Variants in UBASH3B observed in about 807,000 individuals in gnomAD.
The protein encoded by UBASH3B is ubiquitin associated and SH3 domain containing B.
Under a neutral mutation model 83.4 loss-of-function variants are expected in UBASH3B, and 37 were observed. That is an observed-to-expected ratio of 0.44 (90% confidence interval 0.34 to 0.58). The LOEUF (loss-of-function observed/expected upper bound fraction) is 0.58, where lower values mean the gene tolerates loss of function less well. Ranked by LOEUF, UBASH3B falls within the 20% of genes least tolerant of loss-of-function variation. The probability of loss-of-function intolerance (pLI) is 0.01; values close to 1 mark genes in which losing one functional copy is unlikely to be tolerated. For synonymous variants in UBASH3B, 304 were observed against 318.3 expected (o/e 0.96, Z 0.48); for missense variants, 657 against 827.2 (o/e 0.79, Z 2.52).
intron 1 of UBASH3B, among the ~76,000 whole-genome samples, chr11:122,761,482 A>G (rs75833751): frequency 0.014 from 2,073 of 152,224 alleles, 48 homozygotes; most frequent in African/African-American, 0.047. Flanking sequence ...AAAATAAAAC[A>G]TAAATAAGTG....
intron 1 of UBASH3B, among the ~76,000 whole-genome samples, chr11:122,720,837 A>G (rs1461190487): frequency 6.6e-6 from 1 of 151,574 alleles, no homozygotes; most frequent in Non-Finnish European, 1.5e-5. Flanking sequence ...GCTTACTATA[A>G]CTGTCCTCTC....
intron 4 of UBASH3B, among the ~76,000 whole-genome samples, 196 bp downstream of exon 4, chr11:122,779,891 C>T (rs1860820541): frequency 6.6e-6 from 1 of 152,220 alleles, no homozygotes; most frequent in African/African-American, 2.4e-5. Flanking sequence ...CGTTCAACCC[C>T]TCTTCTGCTG....
intron 9 of UBASH3B, chr11:122,797,254 C>T (rs1484893287): frequency 6.3e-6 from 3 of 479,496 alleles, no homozygotes; most frequent in Admixed American, 4.0e-5. Flanking sequence ...TATTGAGGAG[C>T]ACGTGATCCA....
chr11:122,679,289 A>AGAGGAGCTG (rs1863708860), intron 1 of UBASH3B, among the ~76,000 whole-genome samples: 1 of 152,262 alleles, frequency 6.6e-6, no homozygotes, highest in Non-Finnish European at 1.5e-5. Context: ...ATTTGGGGGC[A>AGAGGAGCTG]GAGGAGCTGG....
At chr11:122,750,972 CT>C (rs1433514868) in intron 1 of UBASH3B, among the ~76,000 whole-genome samples, 6 of 152,206 alleles carry the variant, frequency 3.9e-5, no homozygotes, top group Admixed American at 3.9e-4. Flanking sequence ...GCATTGAACA[CT>C]GACAGTGGGA....
At chr11:122,792,552 C>T (rs1264359074) in intron 6 of UBASH3B, among the ~76,000 whole-genome samples, 1 of 152,096 alleles carries the variant, frequency 6.6e-6, no homozygotes, top group Non-Finnish European at 1.5e-5. Flanking sequence ...CTCCTAACCC[C>T]AGGTGATCTG....
chr11:122,754,318 CT>C (rs1418432174), intron 1 of UBASH3B, among the ~76,000 whole-genome samples: 1 of 152,210 alleles, frequency 6.6e-6, no homozygotes, highest in Non-Finnish European at 1.5e-5. Flanking sequence ...AACTGTCTTC[CT>C]GATGAGCTAA....
intron 1 of UBASH3B, among the ~76,000 whole-genome samples, chr11:122,743,397 T>C (rs886101831): frequency 2.0e-5 from 3 of 152,128 alleles, no homozygotes; most frequent in African/African-American, 7.2e-5. Flanking sequence ...TTACTTCTTG[T>C]ACAGTTGGGG....
intron 7 of UBASH3B, among the ~76,000 whole-genome samples, chr11:122,795,262 T>C (rs1861134815): frequency 6.6e-6 from 1 of 152,166 alleles, no homozygotes; most frequent in African/African-American, 2.4e-5. Context: ...GGAGTCGTTG[T>C]TGAACAGTAC....
chr11:122,747,122 G>A (rs1861131344), intron 1 of UBASH3B, among the ~76,000 whole-genome samples: 1 of 152,208 alleles, frequency 6.6e-6, no homozygotes, highest in Admixed American at 6.5e-5. Context: ...GCCAGCACAG[G>A]CATGGCCAAG....
At chr11:122,733,317 C>T (rs73018239) in intron 1 of UBASH3B, among the ~76,000 whole-genome samples, 12,999 of 152,230 alleles carry the variant, frequency 0.085, 734 homozygotes, top group Non-Finnish European at 0.13. Context: ...TCTGGAGTTC[C>T]CTGGTGTCCA....
At chr11:122,809,392 C>A (rs2135196000) in intron 13 of UBASH3B, among the ~76,000 whole-genome samples, 1 of 152,258 alleles carries the variant, frequency 6.6e-6, no homozygotes, top group Non-Finnish European at 1.5e-5. Flanking sequence ...GCCTTTTTAC[C>A]TGGACTTGCA....
intron 10 of UBASH3B, among the ~76,000 whole-genome samples, chr11:122,800,619 CTT>C (rs1308787422): frequency 1.3e-5 from 2 of 151,572 alleles, no homozygotes; most frequent in African/African-American, 4.8e-5. Context: ...AATAAATTTT[CTT>C]TTTTTGAGAT....
chr11:122,685,684 T>A (rs1045544329), intron 1 of UBASH3B, among the ~76,000 whole-genome samples: 2 of 151,942 alleles, frequency 1.3e-5, no homozygotes, highest in African/African-American at 4.8e-5. Flanking sequence ...GCCCAGCTAA[T>A]TTTTTTTATA....
chr11:122,679,779 A>G (rs150101462), intron 1 of UBASH3B, among the ~76,000 whole-genome samples: 256 of 152,330 alleles, frequency 1.7e-3, no homozygotes, highest in African/African-American at 5.7e-3. Flanking sequence ...TTAATTTCAT[A>G]TAATTTCCAT....
At chr11:122,672,540 G>A (rs1863611543) in intron 1 of UBASH3B, among the ~76,000 whole-genome samples, 1 of 152,148 alleles carries the variant, frequency 6.6e-6, no homozygotes, top group Admixed American at 6.6e-5. Flanking sequence ...TGGCCAGGCT[G>A]ATCTCGAATT....
intron 3 of UBASH3B, 85 bp downstream of exon 3, chr11:122,777,295 C>T (rs969337476): frequency 3.6e-5 from 51 of 1,404,406 alleles, no homozygotes; most frequent in African/African-American, 2.5e-4. Context: ...AGGGAGGCCT[C>T]GCAGGAAGAC....
chr11:122,720,206 A>G (rs1486025291), intron 1 of UBASH3B, among the ~76,000 whole-genome samples: 1 of 152,094 alleles, frequency 6.6e-6, no homozygotes, highest in Non-Finnish European at 1.5e-5. Flanking sequence ...CATCTCAAAC[A>G]TGGGTCCTCC....
intron 1 of UBASH3B, among the ~76,000 whole-genome samples, chr11:122,770,760 C>A (rs1860628615): frequency 6.6e-6 from 1 of 152,154 alleles, no homozygotes; most frequent in Admixed American, 6.5e-5. Flanking sequence ...CCACCACCCA[C>A]TAAATATTCA....
Sources: gnomAD v4.1 joint callset for allele counts (sites outside exome capture counted in the v4.1 genomes callset) on GRCh38, gnomAD v4.1.1 for gene constraint, MANE v1.5 for transcripts, NCBI Gene and HGNC (gene_info 2026-07-23, HGNC 2026-07-21) for gene names.